The following ZNF474 variants were observed in gnomAD, a reference collection of about 807,000 sequenced individuals.
ZNF474 encodes the protein zinc finger protein 474, also known as 4933409D10Rik.
For missense variants in ZNF474, 511 were observed against 433.8 expected (o/e 1.18, Z -1.58); for synonymous variants, 192 against 162.2 (o/e 1.18, Z -1.39).
Position 122,149,912 on chromosome 5 carries a change from T to C in ZNF474, c.-212-1867T>C, listed in dbSNP as rs201025353. On this transcript the variant is annotated intron_variant, in intron 1 of 1. Coordinates refer to ENST00000296600, the MANE Select transcript of ZNF474 (RefSeq NM_207317.3). The stretch of plus-strand genomic sequence containing the variant: ...GTGTGTGTGTGTGTGTGTGTGTGTG[T>C]GCGCGCGTGAGAGAGAGAGAGAGAG... Among the ~76,000 whole-genome samples the C allele has an allele frequency of 6.6e-3, 978 of 148,032 alleles. 18 individuals are homozygous for C. Among genetic ancestry groups the C allele is most frequent in the Admixed American group, 0.031 (463 of 14,874 alleles).
intron 1 of ZNF474, among the ~76,000 whole-genome samples, chr5:122,145,504 C>T (rs866737445): frequency 6.6e-6 from 1 of 152,168 alleles, no homozygotes; most frequent in Non-Finnish European, 1.5e-5. Context: ...GATCACTTTG[C>T]TATGGCTTCC....
chr5:122,137,775 T>C (rs1755740977), intron 1 of ZNF474, among the ~76,000 whole-genome samples: 1 of 152,178 alleles, frequency 6.6e-6, no homozygotes, highest in Non-Finnish European at 1.5e-5. Context: ...GGTTGGATTT[T>C]ATTTTGAGAG....
rs1316461999 is a variant in ZNF474 at position 122,153,058 on chromosome 5, T to A, written c.1068T>A (p.Gly356=). Residue 356 remains glycine, a synonymous_variant, in exon 2 of 2, where the codon GGT becomes GGA. Coordinates refer to ENST00000296600, the MANE Select transcript of ZNF474 (RefSeq NM_207317.3). ...TTCATGCCACACAAGACGCATTAGGTGAACCTGGTGGTGCCCTCTGCCTGT... is the reference window on the plus strand; with the variant it reads ...TTCATGCCACACAAGACGCATTAGGAGAACCTGGTGGTGCCCTCTGCCTGT... The part of the protein sequence containing the change: ...KVIHATQDAL[G]EPGGALCL The A allele has an allele frequency of 5.0e-6, 8 of 1,612,868 alleles. No homozygotes were observed. The highest frequency in any genetic ancestry group is 5.9e-6 in the Non-Finnish European group (7 of 1,179,096).
intron 1 of ZNF474, among the ~76,000 whole-genome samples, chr5:122,149,021 C>T (rs747721725): frequency 3.9e-5 from 6 of 152,222 alleles, no homozygotes; most frequent in East Asian, 1.9e-4. Context: ...TGAACCACCG[C>T]GCCCGGCCTG....
chr5:122,132,905 C>A (rs968653831), intron 1 of ZNF474, among the ~76,000 whole-genome samples: 1 of 152,012 alleles, frequency 6.6e-6, no homozygotes, highest in Non-Finnish European at 1.5e-5. Context: ...ATTTGAATAC[C>A]TGAAGCAAGT....
chr5:122,141,681 T>C (rs1422902680), intron 1 of ZNF474, among the ~76,000 whole-genome samples: 1 of 151,756 alleles, frequency 6.6e-6, no homozygotes, highest in Non-Finnish European at 1.5e-5. Flanking sequence ...TCAAGTGATC[T>C]TCCCGCCTTG....
At chr5:122,149,600 A>G (rs888580088) in intron 1 of ZNF474, among the ~76,000 whole-genome samples, 14 of 152,330 alleles carry the variant, frequency 9.2e-5, no homozygotes, top group Admixed American at 4.6e-4. Context: ...GAGAGCTGGA[A>G]TTGATTCACA....
intron 1 of ZNF474, among the ~76,000 whole-genome samples, chr5:122,135,186 A>G (rs995653879): frequency 3.3e-5 from 5 of 152,200 alleles, no homozygotes; most frequent in African/African-American, 1.2e-4. Flanking sequence ...AAATGGGCAA[A>G]AAGCCAGGCT....
In ZNF474 at chr5:122,151,771, C is replaced by T. The variant is rs2152607122; in HGVS notation, c.-212-8C>T. The T allele has an allele frequency of 2.0e-6, 1 of 508,434 alleles. No individual in the cohort carries two copies. The highest frequency in any genetic ancestry group is 2.6e-5 in the South Asian group (1 of 37,772). The allele number at this position is 508,434 out of a possible 1,614,324, so 31.5% of individuals were successfully genotyped here. On this transcript the variant is annotated splice_polypyrimidine_tract_variant and splice_region_variant and intron_variant, in intron 1 of 1. Transcript: ENST00000296600. ...ATAACTTCTTATGTCTCCCACCCGC[C>T]TCCACAGATCTTGGAGACATCTCAG...
chr5:122,137,578 G>A (rs1755734496), intron 1 of ZNF474, among the ~76,000 whole-genome samples: 1 of 151,572 alleles, frequency 6.6e-6, no homozygotes, highest in Non-Finnish European at 1.5e-5. Flanking sequence ...CTAGGCAATG[G>A]CAAGAGCATG....
At chr5:122,146,261 G>A (rs1194446747) in intron 1 of ZNF474, among the ~76,000 whole-genome samples, 2 of 151,952 alleles carry the variant, frequency 1.3e-5, no homozygotes, top group African/African-American at 4.8e-5. Context: ...AAAGAAGGTT[G>A]GGAGTATACA....
intron 1 of ZNF474, among the ~76,000 whole-genome samples, chr5:122,150,747 A>G (rs1187845496): frequency 1.3e-5 from 2 of 152,208 alleles, no homozygotes; most frequent in Middle Eastern, 3.2e-3. Context: ...CCATAAATGG[A>G]TATCTAAGCT....
intron 1 of ZNF474, among the ~76,000 whole-genome samples, chr5:122,142,598 C>A (rs986838145): frequency 6.6e-6 from 1 of 152,120 alleles, no homozygotes; most frequent in African/African-American, 2.4e-5. Context: ...GTGGTTTTCT[C>A]CAGCAGTGGA....
chr5:122,131,461 G>C (rs1332772773), intron 1 of ZNF474, among the ~76,000 whole-genome samples: 1 of 151,906 alleles, frequency 6.6e-6, no homozygotes, highest in Non-Finnish European at 1.5e-5. Context: ...ACATACAATA[G>C]AATATTATTG....
chr5:122,149,751 G>T (rs1561442973), intron 1 of ZNF474, among the ~76,000 whole-genome samples: 1 of 152,140 alleles, frequency 6.6e-6, no homozygotes, highest in Non-Finnish European at 1.5e-5. Context: ...CAAAAAATCT[G>T]TGCCCTATCT....
chr5:122,132,383 T>C (rs990260573), intron 1 of ZNF474, among the ~76,000 whole-genome samples: 1 of 152,108 alleles, frequency 6.6e-6, no homozygotes, highest in Non-Finnish European at 1.5e-5. Context: ...AATTTAACTT[T>C]ATAAAGTTAA....
intron 1 of ZNF474, among the ~76,000 whole-genome samples, chr5:122,137,175 G>A (rs900547403): frequency 2.0e-5 from 3 of 152,090 alleles, no homozygotes; most frequent in African/African-American, 7.2e-5. Context: ...GCAGGTGGGT[G>A]TGTAAGTGTG....
rs1000823690 is a variant in ZNF474, at chr5:122,151,773, C to T, written c.-212-6C>T. The T allele has an allele frequency of 5.8e-6, 3 of 514,686 alleles. No homozygotes were observed. The highest frequency in any genetic ancestry group is 1.0e-5 in the Non-Finnish European group (3 of 292,058). 31.9% of individuals were successfully genotyped at this position (514,686 alleles called of 1,614,324 possible). ...AACTTCTTATGTCTCCCACCCGCCT[C>T]CACAGATCTTGGAGACATCTCAGCT... On this transcript the variant is annotated splice_polypyrimidine_tract_variant and splice_region_variant and intron_variant, in intron 1 of 1. Coordinates refer to ENST00000296600, the MANE Select transcript of ZNF474 (RefSeq NM_207317.3).
chr5:122,139,348 C>T (rs1755778927), intron 1 of ZNF474, among the ~76,000 whole-genome samples: 1 of 152,180 alleles, frequency 6.6e-6, no homozygotes, highest in Non-Finnish European at 1.5e-5. Context: ...ATTACCCATT[C>T]CTTGCCTATA....
Sources: gnomAD v4.1 joint callset for allele counts (sites outside exome capture counted in the v4.1 genomes callset) on GRCh38, gnomAD v4.1.1 for gene constraint, MANE v1.5 for transcripts, NCBI Gene and HGNC (gene_info 2026-07-23, HGNC 2026-07-21) for gene names.